CLCN7: variants seen among roughly 807,000 people sequenced by gnomAD.
CLCN7 encodes H(+)/Cl(-) exchange transporter 7.
In CLCN7, 60 loss-of-function variants were observed where a neutral mutation model predicts 102.1. The observed-to-expected ratio is 0.59, with a 90% CI of 0.48 to 0.73. The LOEUF (loss-of-function observed/expected upper bound fraction) is 0.73. CLCN7 is among the 30% of genes least tolerant of loss of function. The probability of loss-of-function intolerance (pLI) is 0.00; values close to 1 mark genes in which losing one functional copy is unlikely to be tolerated. For synonymous variants in CLCN7, 560 were observed against 490.5 expected (o/e 1.14, Z -1.87); for missense variants, 962 against 1,125.7 (o/e 0.85, Z 2.08).
chr16:1,465,787 G>A (rs1383007043), intron 1 of CLCN7, among the ~76,000 whole-genome samples: 1 of 152,190 alleles, frequency 6.6e-6, no homozygotes, highest in Admixed American at 6.5e-5. Context: ...AGACACAAAC[G>A]GCTCCACAGT....
Position 1,447,522 on chromosome 16 carries a change from C to A in CLCN7, c.2120G>T (p.Arg707Met). The A allele has an allele frequency of 6.4e-7, 1 of 1,555,650 alleles. No homozygotes were observed. ...GTAGGCGTCTCGGAAGTCCTTCAGC[C>A]TCAGGCGCCGCTGTACCAGGCCCAG... Reference protein sequence around the residue: ...SNLGLVQRRLRLKDFRDAYPR... With the variant: ...SNLGLVQRRLMLKDFRDAYPR... The change falls in exon 23 of 25, where the codon AGG becomes ATG. Residue 707 changes from arginine (R) to methionine (M), a missense_variant. Coordinates refer to ENST00000382745, the MANE Select transcript of CLCN7 (RefSeq NM_001287.6).
chr16:1,474,686 G>A (rs918576089), intron 1 of CLCN7, 148 bp downstream of exon 1: 2 of 677,818 alleles, frequency 3.0e-6, no homozygotes, highest in East Asian at 4.8e-5. Flanking sequence ...CGGCCCCGCC[G>A]AGGAGCCCCG....
chr16:1,449,157 C>A lies in CLCN7; in HGVS notation c.1670-64G>T. The A allele has an allele frequency of 3.1e-6, 5 of 1,604,020 alleles. No homozygotes were observed. The East Asian group carries it at 1.1e-4, about 36-fold the overall frequency. On this transcript the variant is annotated intron_variant, in intron 18 of 24. Coordinates refer to ENST00000382745, the MANE Select transcript of CLCN7 (RefSeq NM_001287.6). ...CTGGCTCAGGGTCACGTGGCCACTG[C>A]CTTCTCTGCAGCACCCATCCCATCC...
At chr16:1,451,810 T>C in intron 15 of CLCN7, 94 bp from the exon 16 acceptor site, 3 of 1,013,488 alleles carry the variant, frequency 3.0e-6, no homozygotes, top group Non-Finnish European at 3.0e-6. Flanking sequence ...CCGTGTACCC[T>C]GTGCCTGGCC....
intron 1 of CLCN7, 100 bp from the exon 2 acceptor site, chr16:1,465,438 C>T (rs1350395386): frequency 4.6e-6 from 5 of 1,094,026 alleles, no homozygotes; most frequent in East Asian, 5.1e-5. Context: ...CCTGACCCTG[C>T]CCGGGAGCTC....
At position 1,447,097 on chromosome 16, in the gene CLCN7, G is replaced by A. The variant is rs756783139; in HGVS notation, c.2251-11C>T. On this transcript the variant is annotated splice_polypyrimidine_tract_variant and intron_variant, in intron 23 of 24. Transcript: ENST00000382745. ...TGGGAGCGACGCCTCCTGCAGCAGG[G>A]GCACAGCTGTCAGTGCCCGCCCACA... 15 of 1,589,162 alleles carry A rather than the reference G, an allele frequency of 9.4e-6. No homozygotes were observed. In the East Asian group the frequency reaches 2.5e-4, roughly 27 times the overall value.
rs1596211609 is a variant in CLCN7, at chr16:1,448,465, C to A, written c.1903G>T (p.Val635Leu). ...TTCTCACGCCGCCTCAGGCAGGTCA[C>A]TGGTGTGCTCATCACCTCCCTGCCG... ...LTAREVMSTP[V>L]TCLRRREKVG... Residue 635 changes from valine to leucine, a missense_variant, in exon 21 of 25, where the codon GTG (valine) becomes TTG (leucine). This residue lies in a region of CLCN7 where 799 missense variants were observed against 988.0 expected (regional missense o/e 0.81). Transcript: ENST00000382745. 6.2e-7 allele frequency: 1 copy of A among 1,610,818 alleles called. No homozygotes were observed. The highest frequency in any genetic ancestry group is 8.5e-7 in the Non-Finnish European group (1 of 1,179,972).
Position 1,446,438 on chromosome 16 carries a change from A to G in CLCN7, c.*193T>C, listed in dbSNP as rs551689683. 7.1e-6 allele frequency: 5 copies of G among 704,878 alleles called. No individual in the cohort carries two copies. Among genetic ancestry groups the G allele is most frequent in the Non-Finnish European group, 1.3e-5 (5 of 387,102 alleles). The allele number at this position is 704,878 out of a possible 1,614,324, so 43.7% of individuals were successfully genotyped here. ...GCGCAAGGAGGCGCCAAGGGGGGAG[A>G]CCACTGCCCACAACAGGGTCAGTCC... is the stretch of plus-strand genomic sequence containing the variant. On this transcript the variant is annotated 3_prime_UTR_variant, in exon 25 of 25. Transcript: ENST00000382745.
chr16:1,449,582 C>A, intron 17 of CLCN7: 1 of 583,398 alleles, frequency 1.7e-6, no homozygotes, highest in South Asian at 2.0e-5. Context: ...GGCACAGTCA[C>A]CACGCAGCAG....
intron 6 of CLCN7, among the ~76,000 whole-genome samples, chr16:1,460,203 G>T (rs1010089895): frequency 1.2e-4 from 18 of 152,018 alleles, no homozygotes; most frequent in African/African-American, 4.1e-4. Flanking sequence ...TGTGCTGGTA[G>T]GTCAGGAGCA....
In CLCN7 at chr16:1,446,167, G is replaced by A. The variant is rs1302076579; in HGVS notation, c.*464C>T. On this transcript the variant is annotated 3_prime_UTR_variant, in exon 25 of 25. Transcript: ENST00000382745. Reference sequence around the variant, plus strand: ...GCCGTCTGCTCATGGCTGAAAATGAGGCCAAGCAGCTCCCAAGTCTCGAAG... The same window carrying A: ...GCCGTCTGCTCATGGCTGAAAATGAAGCCAAGCAGCTCCCAAGTCTCGAAG... 6.6e-6 allele frequency: 4 copies of A among 605,410 alleles called. No homozygotes were observed. The African/African-American group carries it at 7.4e-5, about 11-fold the overall frequency. 37.5% of individuals were successfully genotyped at this position (605,410 alleles called of 1,614,324 possible).
At chr16:1,464,553 G>A (rs1413793654) in intron 2 of CLCN7, among the ~76,000 whole-genome samples, 1 of 152,270 alleles carries the variant, frequency 6.6e-6, no homozygotes, top group Non-Finnish European at 1.5e-5. Context: ...GGCCTCGGGA[G>A]CGACTGCGGC....
At chr16:1,458,978 T>A (rs1299777260) in intron 7 of CLCN7, 129 bp downstream of exon 7, 3 of 716,292 alleles carry the variant, frequency 4.2e-6, no homozygotes, top group Non-Finnish European at 7.0e-6. Context: ...CCAGCCCATC[T>A]GCACACAGTG....
At chr16:1,453,425 C>T (rs1357128350) in intron 14 of CLCN7, among the ~76,000 whole-genome samples, 4 of 152,192 alleles carry the variant, frequency 2.6e-5, no homozygotes, top group African/African-American at 9.7e-5. Flanking sequence ...GTGGCGCTAC[C>T]CGTGCCCCGG....
At chr16:1,455,437 C>T (rs1403663835) in intron 11 of CLCN7, 187 bp from the exon 12 acceptor site, 5 of 658,090 alleles carry the variant, frequency 7.6e-6, no homozygotes, top group Non-Finnish European at 1.4e-5. Context: ...GCGGCCCAGC[C>T]CTCTCTGGAC....
chr16:1,446,484 G>A lies in CLCN7; in HGVS notation c.*147C>T, dbSNP rs1343284357. 1.3e-5 allele frequency: 10 copies of A among 763,368 alleles called. No homozygotes were observed. The highest frequency in any genetic ancestry group is 8.0e-5 in the Admixed American group (4 of 50,072). The allele number at this position is 763,368 out of a possible 1,614,324, so 47.3% of individuals were successfully genotyped here. A position where few individuals can be genotyped will look rare whatever the true frequency, so the allele number is the denominator to read the frequency against. On this transcript the variant is annotated 3_prime_UTR_variant, in exon 25 of 25. Coordinates refer to ENST00000382745, the MANE Select transcript of CLCN7 (RefSeq NM_001287.6). The stretch of plus-strand genomic sequence containing the variant: ...AGTCCCGCGAGAGGGTCAGTTCCGC[G>A]CCTGCCGCCTGCCCGCCCAGCTGCA...
chr16:1,464,235 G>A (rs920919334), intron 2 of CLCN7, among the ~76,000 whole-genome samples: 1 of 152,188 alleles, frequency 6.6e-6, no homozygotes, highest in Non-Finnish European at 1.5e-5. Flanking sequence ...AACAAACCCA[G>A]TTTAAAAATG....
At chr16:1,449,355 C>T in intron 17 of CLCN7, 28 bp from the exon 18 acceptor site, 1 of 1,571,646 alleles carries the variant, frequency 6.4e-7, no homozygotes, top group Non-Finnish European at 8.6e-7. Flanking sequence ...GAGGAGGTGT[C>T]AGTGTGGTGG....
chr16:1,470,134 A>T (rs2745005), intron 1 of CLCN7, among the ~76,000 whole-genome samples: 72,696 of 152,098 alleles, frequency 0.48, 17,712 homozygotes, highest in Non-Finnish European at 0.51. Context: ...AACCCTACTG[A>T]CTGCACTCAC....
Sources: gnomAD v4.1 joint callset for allele counts (sites outside exome capture counted in the v4.1 genomes callset) on GRCh38, gnomAD v4.1.1 for gene constraint, gnomAD v4.1.1 regional missense constraint, MANE v1.5 for transcripts, NCBI Gene and HGNC (gene_info 2026-07-23, HGNC 2026-07-21) for gene names.